Variants in RSF1 observed in about 807,000 individuals in gnomAD.
RSF1 encodes remodeling and spacing factor 1, also known as HBV pX-associated protein 8.
A neutral mutation model predicts 145.2 loss-of-function variants in RSF1; 13 were observed. The observed-to-expected ratio is 0.09, with a 90% CI of 0.06 to 0.14. The LOEUF is 0.14. Ranked by LOEUF, RSF1 falls within the 10% of genes least tolerant of loss-of-function variation. The pLI, the probability that RSF1 is intolerant of heterozygous loss-of-function variation, is 1.00. For missense variants in RSF1, 1,517 were observed against 1,718.2 expected (o/e 0.88, Z 2.07); for synonymous variants, 577 against 592.6 (o/e 0.97, Z 0.38).
chr11:77,702,557 CTT>C, intron 5 of RSF1, 62 bp from the exon 6 acceptor site: 3 of 1,124,944 alleles, frequency 2.7e-6, no homozygotes, highest in Admixed American at 5.8e-5. Flanking sequence ...AAATATAAGA[CTT>C]AGTATAATGT....
At chr11:77,760,969 T>C (rs1948165399) in intron 2 of RSF1, among the ~76,000 whole-genome samples, 1 of 152,012 alleles carries the variant, frequency 6.6e-6, no homozygotes, top group African/African-American at 2.4e-5. Context: ...TGGAGTGCAG[T>C]GGTGCAATCT....
chr11:77,813,820 G>GACACACAC (rs10688175), intron 1 of RSF1: 7,437 of 169,228 alleles, frequency 0.044, 200 homozygotes, highest in Non-Finnish European at 0.056. Context: ...TTTGTAAAAG[G>GACACACAC]ACACACACAC....
intron 1 of RSF1, among the ~76,000 whole-genome samples, chr11:77,792,019 T>A (rs1402934034): frequency 1.8e-4 from 27 of 152,224 alleles, no homozygotes; most frequent in Non-Finnish European, 3.4e-4. Flanking sequence ...GTCATGCTGC[T>A]GATAAAGACA....
At chr11:77,862,206 T>C in the RSF1 span, among the ~76,000 whole-genome samples, 11 of 152,306 alleles carry the variant, frequency 7.2e-5, no homozygotes, top group African/African-American at 2.6e-4. Flanking sequence ...TGGGGAATCG[T>C]TCTCATTCCT....
chr11:77,796,672 C>G (rs185652865), intron 1 of RSF1, among the ~76,000 whole-genome samples: 7 of 151,974 alleles, frequency 4.6e-5, no homozygotes, highest in Admixed American at 3.9e-4. Flanking sequence ...AATCAGGCAA[C>G]AGAAAGAAAG....
chr11:77,823,087 G>A (rs941362065), upstream of RSF1, among the ~76,000 whole-genome samples: 1 of 151,652 alleles, frequency 6.6e-6, no homozygotes, highest in Non-Finnish European at 1.5e-5. Flanking sequence ...GGTGGCGGCG[G>A]GCCCCTGTAG....
At chr11:77,811,911 C>A (rs551121847) in intron 1 of RSF1, among the ~76,000 whole-genome samples, 8 of 152,112 alleles carry the variant, frequency 5.3e-5, no homozygotes, top group African/African-American at 1.2e-4. Flanking sequence ...TGGTGGCTCA[C>A]GCCTGTAATC....
At chr11:77,683,277 A>C (rs1377761317) in intron 11 of RSF1, among the ~76,000 whole-genome samples, 4 of 152,150 alleles carry the variant, frequency 2.6e-5, no homozygotes, top group Non-Finnish European at 5.9e-5. Context: ...GAGACAGAGC[A>C]AGACTCCATC....
chr11:77,793,292 C>A (rs1948538877), intron 1 of RSF1, among the ~76,000 whole-genome samples: 1 of 152,086 alleles, frequency 6.6e-6, no homozygotes, highest in African/African-American at 2.4e-5. Flanking sequence ...CCAGCCTTGT[C>A]TACATAGCAA....
intron 4 of RSF1, among the ~76,000 whole-genome samples, chr11:77,726,926 A>C (rs1961067345): frequency 6.6e-6 from 1 of 152,224 alleles, no homozygotes; most frequent in Non-Finnish European, 1.5e-5. Context: ...TATAAAATAA[A>C]AGAACAGATT....
the RSF1 span, among the ~76,000 whole-genome samples, chr11:77,842,057 T>C: frequency 1.3e-5 from 2 of 152,202 alleles, no homozygotes; most frequent in African/African-American, 4.8e-5. Flanking sequence ...AATTCAGCGA[T>C]CTTCATGAAT....
chr11:77,771,175 A>AT (rs528667272), intron 1 of RSF1, among the ~76,000 whole-genome samples: 5 of 152,328 alleles, frequency 3.3e-5, no homozygotes, highest in African/African-American at 9.6e-5. Flanking sequence ...GGAAGAACGG[A>AT]TTTTTTCCCC....
rs1959289476 is a variant in RSF1, at chr11:77,663,709, A to G, written c.*3208T>C. On this transcript the variant is annotated 3_prime_UTR_variant, in exon 16 of 16. Coordinates refer to ENST00000308488, the MANE Select transcript of RSF1 (RefSeq NM_016578.4). ...GAAAATGTTTTACACTAATTTCATC[A>G]GCACTGATGTACAAAACCAAAACGT... 6.6e-6 allele frequency: 1 copy of G among 152,350 alleles called. No individual in the cohort carries two copies. Among genetic ancestry groups the G allele is most frequent in the South Asian group, 2.1e-4 (1 of 4,830 alleles). 9.4% of individuals were successfully genotyped at this position (152,350 alleles called of 1,614,324 possible).
At chr11:77,689,514 C>T (rs1186176125) in intron 9 of RSF1, among the ~76,000 whole-genome samples, 1 of 152,180 alleles carries the variant, frequency 6.6e-6, no homozygotes, top group Non-Finnish European at 1.5e-5. Flanking sequence ...CTTACAAGGC[C>T]TCTCTTGAGA....
chr11:77,855,099 A>G, the RSF1 span, among the ~76,000 whole-genome samples: 43 of 152,278 alleles, frequency 2.8e-4, 1 homozygote, highest in South Asian at 8.9e-3. Context: ...GCAGGGTGCT[A>G]TGACCTGAGG....
chr11:77,825,839 G>A (rs1017668411), upstream of RSF1, among the ~76,000 whole-genome samples: 3 of 152,036 alleles, frequency 2.0e-5, no homozygotes, highest in African/African-American at 7.2e-5. Context: ...TTACAGGCAA[G>A]TGCCACTACA....
chr11:77,783,411 T>C (rs1266126061), intron 1 of RSF1, among the ~76,000 whole-genome samples: 2 of 152,232 alleles, frequency 1.3e-5, no homozygotes, highest in African/African-American at 4.8e-5. Flanking sequence ...ATGTTTCTTG[T>C]AGTGCAAGTG....
At chr11:77,764,475 T>C in intron 2 of RSF1, 123 bp downstream of exon 2, 12 of 620,718 alleles carry the variant, frequency 1.9e-5, no homozygotes, top group Non-Finnish European at 2.2e-5. Flanking sequence ...CATGTGGATT[T>C]TGGAGCCATA....
intron 1 of RSF1, among the ~76,000 whole-genome samples, chr11:77,773,475 CT>C: frequency 6.6e-6 from 1 of 152,190 alleles, no homozygotes; most frequent in East Asian, 1.9e-4. Flanking sequence ...GGGGCAAACA[CT>C]CGTTCTTGGA....
Sources: gnomAD v4.1 joint callset for allele counts (sites outside exome capture counted in the v4.1 genomes callset) on GRCh38, gnomAD v4.1.1 for gene constraint, MANE v1.5 for transcripts, NCBI Gene and HGNC (gene_info 2026-07-23, HGNC 2026-07-21) for gene names.